Variants in TTYH2 observed in about 807,000 individuals in gnomAD.
TTYH2 encodes the protein protein tweety homolog 2.
In TTYH2, 49 loss-of-function variants were observed where a neutral mutation model predicts 68.3. The observed-to-expected ratio is 0.72, with a 90% CI of 0.57 to 0.91. The LOEUF is 0.91. Among genes scored for constraint, TTYH2 ranks in the 40% least tolerant of loss-of-function variants. The probability of loss-of-function intolerance (pLI) is 0.00; values close to 1 mark genes in which losing one functional copy is unlikely to be tolerated. For synonymous variants in TTYH2, 272 were observed against 300.8 expected, an observed-to-expected ratio of 0.90 and a Z score of 0.99; for missense variants, 631 against 700.4, an observed-to-expected ratio of 0.90 and a Z score of 1.12.
Position 74,241,777 on chromosome 17 carries a change from A to T in TTYH2, c.636-1597A>T, listed in dbSNP as rs1379608326. Reference sequence around the variant, plus strand: ...ATACTTCCCTCTTTGGGGACGGGGAAGCCCCTGTCTCTGTGCCCGCCCCTC... The same window carrying T: ...ATACTTCCCTCTTTGGGGACGGGGATGCCCCTGTCTCTGTGCCCGCCCCTC... On this transcript the variant is annotated intron_variant, in intron 4 of 13. Coordinates refer to ENST00000269346, the MANE Select transcript of TTYH2 (RefSeq NM_032646.6). This position sits in a 1 kb window ranked among gnomAD's most constrained non-coding sequence, Gnocchi z 4.1. 6.6e-6 allele frequency among the ~76,000 whole-genome samples: 1 copy of T among 152,190 alleles called. No homozygotes were observed. Among genetic ancestry groups the T allele is most frequent in the African/African-American group, 2.4e-5 (1 of 41,454 alleles).
At chr17:74,250,586 A>G in intron 10 of TTYH2, 1 of 530,476 alleles carries the variant, frequency 1.9e-6, no homozygotes, top group Non-Finnish European at 3.4e-6. Flanking sequence ...GGAGGGTTGG[A>G]TGCGGTTGGC....
In TTYH2 at chr17:74,214,493, T is replaced by G. The variant is rs1279926279; in HGVS notation, c.129+777T>G. 6.6e-6 allele frequency among the ~76,000 whole-genome samples: 1 copy of G among 152,120 alleles called. No homozygotes were observed. The highest frequency in any genetic ancestry group is 1.5e-5 in the Non-Finnish European group (1 of 68,012). ...CTCTCTACCTCACACCTTTAAGCCCTGAATTTCTGGCCTAGGGCAGTCACT... is the reference window on the plus strand; with the variant it reads ...CTCTCTACCTCACACCTTTAAGCCCGGAATTTCTGGCCTAGGGCAGTCACT... On this transcript the variant is annotated intron_variant, in intron 1 of 13. Transcript: ENST00000269346. This position sits in a 1 kb window ranked among gnomAD's most constrained non-coding sequence, Gnocchi z 4.6.
chr17:74,229,981 A>T (rs2050370616), intron 2 of TTYH2, among the ~76,000 whole-genome samples: 1 of 152,126 alleles, frequency 6.6e-6, no homozygotes, highest in Non-Finnish European at 1.5e-5. Flanking sequence ...TAATACAAAA[A>T]TTAGCCAGGC....
rs535589474 is a variant in TTYH2, at chr17:74,219,962, A to ATT, written c.130-2509_130-2508dup. Among the ~76,000 whole-genome samples the ATT allele has an allele frequency of 2.8e-3, 379 of 135,798 alleles. 2 individuals carry two copies. The highest frequency in any genetic ancestry group is 7.6e-3 in the Middle Eastern group (2 of 262). The allele number at this position is 135,798 out of a possible 152,430, so 89.1% of individuals were successfully genotyped here. A position where few individuals can be genotyped will look rare whatever the true frequency, so the allele number is the denominator to read the frequency against. ...CATGCATGTTACACAATGATTTGCA[A>ATT]TTTTTTTTTTTTTTTGGCTTGGTTG... is the stretch of plus-strand genomic sequence containing the variant. On this transcript the variant is annotated intron_variant, in intron 1 of 13. Coordinates refer to ENST00000269346, the MANE Select transcript of TTYH2 (RefSeq NM_032646.6).
At chr17:74,219,403 A>AAAAAAAAAAAAAAAAAAAAAAAAC (rs1241503126) in intron 1 of TTYH2, among the ~76,000 whole-genome samples, 1 of 149,550 alleles carries the variant, frequency 6.7e-6, no homozygotes, top group African/African-American at 2.6e-5. Context: ...AAAAAAAAAA[A>AAAAAAAAAAAAAAAAAAAAAAAAC]GAATAACTTA....
chr17:74,231,072 G>C lies in TTYH2; in HGVS notation c.414+73G>C, dbSNP rs567653867. On this transcript the variant is annotated intron_variant, in intron 3 of 13. Transcript: ENST00000269346. ...CAGCGTGGTCAGAGCAAGGGCCCCC[G>C]TCAGATCCCAGCTAGCTCAGCTGCA... 62 of 1,379,760 alleles carry C rather than the reference G, an allele frequency of 4.5e-5. No individual in the cohort carries two copies. The African/African-American group carries it at 8.1e-4, about 18-fold the overall frequency. The allele number at this position is 1,379,760 out of a possible 1,614,324, so 85.5% of individuals were successfully genotyped here. A position where few individuals can be genotyped will look rare whatever the true frequency, so the allele number is the denominator to read the frequency against.
At chr17:74,255,038 G>A (rs8074298) in intron 13 of TTYH2, among the ~76,000 whole-genome samples, 39,959 of 152,112 alleles carry the variant, frequency 0.26, 5,785 homozygotes, top group African/African-American at 0.37. Flanking sequence ...GGGTGGGCAG[G>A]TTGAGAAGGA....
chr17:74,244,022 C>T lies in TTYH2; in HGVS notation c.777C>T (p.Ser259=), dbSNP rs1364261600. 1.2e-6 allele frequency: 2 copies of T among 1,612,182 alleles called. No individual in the cohort carries two copies. Among genetic ancestry groups the T allele is most frequent in the African/African-American group, 2.7e-5 (2 of 74,906 alleles). The change falls in exon 6 of 14, where the codon TCC becomes TCT. Residue 259 remains serine, a synonymous_variant. Coordinates refer to ENST00000269346, the MANE Select transcript of TTYH2 (RefSeq NM_032646.6). ...TGAGCCTGCTCCTCAGTTGGGCATC[C>T]CTGGCCGCTGATGGCTCTGCGGCAG... The part of the protein sequence containing the change: ...GALSLLLSWA[S]LAADGSAAVA...
chr17:74,228,974 G>A (rs888136690), intron 2 of TTYH2, among the ~76,000 whole-genome samples: 4 of 152,206 alleles, frequency 2.6e-5, no homozygotes, highest in African/African-American at 9.6e-5. Context: ...AGGTTCAGCT[G>A]TCTGATGGGG....
At chr17:74,223,432 T>A (rs2050299100) in intron 2 of TTYH2, among the ~76,000 whole-genome samples, 1 of 152,054 alleles carries the variant, frequency 6.6e-6, no homozygotes, top group Non-Finnish European at 1.5e-5. Context: ...GGGCTGAGAC[T>A]ATGTTGCTCA....
intron 3 of TTYH2, among the ~76,000 whole-genome samples, chr17:74,236,727 A>G (rs973879425): frequency 2.0e-5 from 3 of 152,086 alleles, no homozygotes; most frequent in Admixed American, 6.6e-5. Context: ...CGGAGCCCAG[A>G]TCCTGTTTAA....
intron 1 of TTYH2, among the ~76,000 whole-genome samples, chr17:74,218,983 A>C (rs1409074705): frequency 6.6e-6 from 1 of 152,142 alleles, no homozygotes; most frequent in Non-Finnish European, 1.5e-5. Context: ...TAATCCCAGC[A>C]CTTTGGGGAG....
Position 74,244,014 on chromosome 17 carries a change from TG to T in TTYH2, c.772del (p.Ala258HisfsTer25). The T allele has an allele frequency of 6.2e-7, 1 of 1,612,318 alleles. No individual in the cohort carries two copies. ...TGGGGCACTGAGCCTGCTCCTCAGT[TG>T]GGCATCCCTGGCCGCTGATGGCTCT... ...CCGALSLLLSWASLAADGSAA... is the reference protein window; with the variant it reads ...CCGALSLLLSXASLAADGSAA... On this transcript the variant is annotated frameshift_variant, in exon 6 of 14. Coordinates refer to ENST00000269346, the MANE Select transcript of TTYH2 (RefSeq NM_032646.6). LOFTEE classifies it high-confidence loss of function.
chr17:74,230,740 A>C, intron 2 of TTYH2, 148 bp from the exon 3 acceptor site: 2 of 683,470 alleles, frequency 2.9e-6, no homozygotes, highest in Non-Finnish European at 4.7e-6. Context: ...TCCTGGGTTC[A>C]AGCAATTCTA....
At chr17:74,251,231 T>A (rs927778043) in intron 10 of TTYH2, among the ~76,000 whole-genome samples, 1 of 149,968 alleles carries the variant, frequency 6.7e-6, no homozygotes, top group Non-Finnish European at 1.5e-5. Context: ...TGTGCCTGTA[T>A]GTGTGTGTGG....
chr17:74,226,866 C>G (rs2050335593), intron 2 of TTYH2, among the ~76,000 whole-genome samples: 1 of 152,132 alleles, frequency 6.6e-6, no homozygotes, highest in Admixed American at 6.6e-5. Context: ...ACAGTTTTTC[C>G]TATGGCCCAG....
chr17:74,226,892 C>G (rs566324639), intron 2 of TTYH2, among the ~76,000 whole-genome samples: 1 of 152,116 alleles, frequency 6.6e-6, no homozygotes, highest in Non-Finnish European at 1.5e-5. Flanking sequence ...ATCAATGACC[C>G]CAGGAGAGAC....
chr17:74,233,636 G>A (rs1366233848), intron 3 of TTYH2, among the ~76,000 whole-genome samples: 1 of 152,076 alleles, frequency 6.6e-6, no homozygotes, highest in African/African-American at 2.4e-5. Context: ...CCCACAGAGT[G>A]GGGTGGGCCC....
In TTYH2 at chr17:74,222,636, T is replaced by C; in HGVS notation, c.281T>C (p.Val94Ala). 6.2e-7 allele frequency: 1 copy of C among 1,610,276 alleles called. No individual in the cohort carries two copies. The highest frequency in any genetic ancestry group is 8.5e-7 in the Non-Finnish European group (1 of 1,179,756). Residue 94 changes from valine (V) to alanine (A), a missense_variant, in exon 2 of 14, where the codon GTG (valine) becomes GCG (alanine). Val to Ala is a moderately conservative substitution (Grantham distance 64). Coordinates refer to ENST00000269346, the MANE Select transcript of TTYH2 (RefSeq NM_032646.6). This position sits in a 1 kb window ranked among gnomAD's most constrained non-coding sequence, Gnocchi z 5.2. ...HHSCCITWTAVVAGLICCAAV... is the reference protein window; with the variant it reads ...HHSCCITWTAAVAGLICCAAV... ...TCCTGCTGCATCACCTGGACGGCCG[T>C]GGTGGCCGGGCTCATCTGCTGGTGA...
Sources: gnomAD v4.1 joint callset for allele counts (sites outside exome capture counted in the v4.1 genomes callset) on GRCh38, gnomAD v4.1.1 for gene constraint, Gnocchi (gnomAD v3.1) non-coding constraint, MANE v1.5 for transcripts, NCBI Gene and HGNC (gene_info 2026-07-23, HGNC 2026-07-21) for gene names.